PBX3: variants seen among roughly 807,000 people sequenced by gnomAD.
PBX3 encodes PBX homeobox 3, also known as pre-B-cell leukemia transcription factor 3.
Under a neutral mutation model 48.5 loss-of-function variants are expected in PBX3, and 14 were observed. That is an observed-to-expected ratio of 0.29 (90% CI 0.19 to 0.45). PBX3 has a LOEUF of 0.45. Ranked by LOEUF, PBX3 falls within the 20% of genes least tolerant of loss-of-function variation. The pLI is 1.00. For synonymous variants in PBX3, 210 were observed against 200.3 expected (o/e 1.05, Z -0.41); for missense variants, 386 against 546.7 (o/e 0.71, Z 2.93).
chr9:125,920,495 C>T (rs1055925228), intron 3 of PBX3, among the ~76,000 whole-genome samples: 1 of 152,192 alleles, frequency 6.6e-6, no homozygotes, highest in Non-Finnish European at 1.5e-5. Context: ...AATTTGACTT[C>T]AACATTTGTT....
chr9:125,823,270 G>A (rs1409694765), intron 2 of PBX3, among the ~76,000 whole-genome samples: 1 of 152,152 alleles, frequency 6.6e-6, no homozygotes, highest in East Asian at 1.9e-4. Context: ...ATAAAAATAA[G>A]CATCACAAAT....
At chr9:125,783,406 G>A (rs1389822904) in intron 2 of PBX3, among the ~76,000 whole-genome samples, 7 of 151,882 alleles carry the variant, frequency 4.6e-5, no homozygotes, top group Non-Finnish European at 8.8e-5. Context: ...TCCTGCCTCC[G>A]CCTCCTGAGT....
At chr9:125,822,924 A>C (rs1443731499) in intron 2 of PBX3, among the ~76,000 whole-genome samples, 2 of 151,962 alleles carry the variant, frequency 1.3e-5, no homozygotes, top group Non-Finnish European at 2.9e-5. Context: ...GATCATCCAT[A>C]TCAATAGTTA....
intron 2 of PBX3, among the ~76,000 whole-genome samples, chr9:125,907,814 C>T (rs576413885): frequency 2.0e-5 from 3 of 152,156 alleles, no homozygotes; most frequent in South Asian, 2.1e-4. Context: ...AAGAGAGACC[C>T]GTGTTTAAAT....
At chr9:125,865,244 C>G (rs1180360628) in intron 2 of PBX3, 1 of 169,130 alleles carries the variant, frequency 5.9e-6, no homozygotes, top group South Asian at 2.0e-4. Flanking sequence ...AACTTCAGTA[C>G]TTTTTTCTAC....
intron 8 of PBX3, among the ~76,000 whole-genome samples, chr9:125,964,725 G>A (rs927544458): frequency 2.0e-5 from 3 of 152,136 alleles, no homozygotes; most frequent in Non-Finnish European, 1.5e-5. Flanking sequence ...AAGAAACAAT[G>A]GCTGCCACAT....
At chr9:125,827,932 A>G (rs1054593120) in intron 2 of PBX3, among the ~76,000 whole-genome samples, 1 of 152,144 alleles carries the variant, frequency 6.6e-6, no homozygotes, top group Non-Finnish European at 1.5e-5. Context: ...TGCTACCAGT[A>G]ATAAGACTGA....
chr9:125,843,706 T>C, intron 2 of PBX3: 1 of 419,518 alleles, frequency 2.4e-6, no homozygotes, highest in South Asian at 1.7e-5. Flanking sequence ...GTCTCTGTTA[T>C]GCTTTTAGTA....
chr9:125,843,082 A>G (rs933228701), intron 2 of PBX3, among the ~76,000 whole-genome samples: 2 of 152,024 alleles, frequency 1.3e-5, no homozygotes, highest in African/African-American at 4.8e-5. Context: ...CTAAATATTA[A>G]GATGTTTTAT....
rs1169626264 is a variant in PBX3 at position 125,781,535 on chromosome 9, A to AGGGAGAG, written c.274+32935_274+32941dup. ...GAAAGAGAGGGAGAGGGTGACCGAG[A>AGGGAGAG]GGGAGAGGGGAGAGGGGAGAGGGGA... On this transcript the variant is annotated intron_variant, in intron 2 of 8. Coordinates refer to ENST00000373489, the MANE Select transcript of PBX3 (RefSeq NM_006195.6). Among the ~76,000 whole-genome samples the AGGGAGAG allele has an allele frequency of 1.4e-3, 102 of 70,806 alleles. 1 individual carries two copies. Among genetic ancestry groups the AGGGAGAG allele is most frequent in the South Asian group, 5.2e-3 (10 of 1,918 alleles). 46.5% of individuals were successfully genotyped at this position (70,806 alleles called of 152,430 possible). A position where few individuals can be genotyped will look rare whatever the true frequency, so the allele number is the denominator to read the frequency against.
intron 2 of PBX3, among the ~76,000 whole-genome samples, chr9:125,807,389 G>A (rs570163864): frequency 2.0e-4 from 30 of 152,114 alleles, no homozygotes; most frequent in African/African-American, 6.0e-4. Context: ...TAGAATAGGC[G>A]GCTATAGAAA....
chr9:125,913,263 T>C (rs1310246878), intron 2 of PBX3, among the ~76,000 whole-genome samples: 2 of 152,094 alleles, frequency 1.3e-5, no homozygotes, highest in African/African-American at 4.8e-5. Flanking sequence ...ATAAAGTAAA[T>C]ACAAAGGATT....
chr9:125,907,834 C>T (rs1349032128), intron 2 of PBX3, among the ~76,000 whole-genome samples: 1 of 152,076 alleles, frequency 6.6e-6, no homozygotes, highest in East Asian at 1.9e-4. Context: ...TCATTATTTT[C>T]CCATTTACTC....
intron 2 of PBX3, among the ~76,000 whole-genome samples, chr9:125,899,475 A>T (rs1840888531): frequency 6.7e-6 from 1 of 148,166 alleles, no homozygotes; most frequent in Non-Finnish European, 1.5e-5. Flanking sequence ...AGAGAGAGAG[A>T]GAGAGAGAGA....
chr9:125,893,226 C>G (rs975987006), intron 2 of PBX3, among the ~76,000 whole-genome samples: 2 of 152,122 alleles, frequency 1.3e-5, no homozygotes, highest in Non-Finnish European at 2.9e-5. Context: ...TTATGCTTTC[C>G]CTTTCATAGG....
intron 2 of PBX3, among the ~76,000 whole-genome samples, chr9:125,903,453 C>A (rs1444360350): frequency 6.6e-6 from 1 of 151,748 alleles, no homozygotes; most frequent in African/African-American, 2.4e-5. Flanking sequence ...TTGAAAATGT[C>A]AAATATTTGA....
intron 2 of PBX3, among the ~76,000 whole-genome samples, chr9:125,884,229 A>C (rs1012311709): frequency 2.0e-5 from 3 of 152,174 alleles, no homozygotes; most frequent in African/African-American, 7.2e-5. Context: ...TGGGTAGGAC[A>C]AGAGTGCTCT....
In PBX3 at chr9:125,748,696, A is replaced by G. The variant is rs1836280517; in HGVS notation, c.274+73A>G. 3 of 1,095,584 alleles carry G rather than the reference A, an allele frequency of 2.7e-6. No individual in the cohort carries two copies. The East Asian group carries it at 7.2e-5, about 26-fold the overall frequency. 67.9% of individuals were successfully genotyped at this position (1,095,584 alleles called of 1,614,324 possible). A position where few individuals can be genotyped will look rare whatever the true frequency, so the allele number is the denominator to read the frequency against. ...GTCGGAGCTACTCCTTCGACTCTCC[A>G]GTTGAGAGCTGCTGCTTTTGGGCAC... On this transcript the variant is annotated intron_variant, in intron 2 of 8. Transcript: ENST00000373489.
At chr9:125,787,301 G>A (rs60177519) in intron 2 of PBX3, among the ~76,000 whole-genome samples, 1 of 152,062 alleles carries the variant, frequency 6.6e-6, no homozygotes, top group Admixed American at 6.6e-5. Context: ...GAGGGAAAGT[G>A]TACTGCATGG....
Sources: gnomAD v4.1 joint callset for allele counts (sites outside exome capture counted in the v4.1 genomes callset) on GRCh38, gnomAD v4.1.1 for gene constraint, MANE v1.5 for transcripts, NCBI Gene and HGNC (gene_info 2026-07-23, HGNC 2026-07-21) for gene names.